Variants in AMOTL1 observed in about 807,000 individuals in gnomAD.
AMOTL1 encodes angiomotin-like protein 1.
In AMOTL1, 45 loss-of-function variants were observed where a neutral mutation model predicts 102.9. That is an observed-to-expected ratio of 0.44 (90% CI 0.34 to 0.56). The LOEUF (loss-of-function observed/expected upper bound fraction) is 0.56, where lower values mean the gene tolerates loss of function less well. Among genes scored for constraint, AMOTL1 ranks in the 20% least tolerant of loss-of-function variants. The pLI, the probability that AMOTL1 is intolerant of heterozygous loss-of-function variation, is 0.01. For missense variants in AMOTL1, 1,114 were observed against 1,225.6 expected (o/e 0.91, Z 1.36); for synonymous variants, 481 against 484.7 (o/e 0.99, Z 0.10).
At chr11:94,852,630 C>T (rs1215205764) in intron 7 of AMOTL1, among the ~76,000 whole-genome samples, 3 of 152,178 alleles carry the variant, frequency 2.0e-5, no homozygotes, top group African/African-American at 7.2e-5. Context: ...AGTTGTTGGT[C>T]ATAATTCTAA....
chr11:94,863,710 G>A (rs916552351), intron 9 of AMOTL1, among the ~76,000 whole-genome samples: 6 of 152,162 alleles, frequency 3.9e-5, no homozygotes, highest in Admixed American at 3.3e-4. Flanking sequence ...AGCCATTATT[G>A]TGCCTTTCAT....
chr11:94,835,326 C>T (rs1020594668), intron 6 of AMOTL1, among the ~76,000 whole-genome samples: 2 of 152,094 alleles, frequency 1.3e-5, no homozygotes, highest in African/African-American at 4.8e-5. Context: ...CTCATTTTTC[C>T]CATTTGTTTG....
chr11:94,828,679 A>G (rs1565370838), intron 4 of AMOTL1, among the ~76,000 whole-genome samples: 2 of 152,162 alleles, frequency 1.3e-5, no homozygotes, highest in Admixed American at 6.5e-5. Flanking sequence ...AAAACACCTG[A>G]CATGTAAGCA....
intron 6 of AMOTL1, among the ~76,000 whole-genome samples, chr11:94,844,164 C>T (rs1270781521): frequency 6.6e-6 from 1 of 152,194 alleles, no homozygotes; most frequent in Non-Finnish European, 1.5e-5. Flanking sequence ...ACCCCCTCTT[C>T]CCACATCCAA....
chr11:94,720,770 G>A (rs1228657030), intron 1 of AMOTL1, among the ~76,000 whole-genome samples: 3 of 152,100 alleles, frequency 2.0e-5, no homozygotes, highest in African/African-American at 7.2e-5. Context: ...GACTACACAG[G>A]TGGAGTCATG....
intron 1 of AMOTL1, among the ~76,000 whole-genome samples, chr11:94,783,803 C>G (rs748961085): frequency 6.6e-6 from 1 of 152,214 alleles, no homozygotes; most frequent in Admixed American, 6.5e-5. Context: ...GGCAGATGCT[C>G]ACTGTCATAT....
chr11:94,754,351 C>T (rs1321274792), intron 3 of AMOTL1, among the ~76,000 whole-genome samples: 1 of 152,172 alleles, frequency 6.6e-6, no homozygotes, highest in Non-Finnish European at 1.5e-5. Flanking sequence ...AGCTCTTCCT[C>T]TGGGGTCCCT....
intron 1 of AMOTL1, among the ~76,000 whole-genome samples, chr11:94,725,969 G>C (rs1401262115): frequency 1.3e-5 from 2 of 152,220 alleles, no homozygotes; most frequent in South Asian, 2.1e-4. Context: ...TGAAGACCAG[G>C]GACTCACTGA....
At chr11:94,721,938 C>G (rs974607624) in intron 1 of AMOTL1, among the ~76,000 whole-genome samples, 2 of 152,120 alleles carry the variant, frequency 1.3e-5, no homozygotes, top group African/African-American at 2.4e-5. Context: ...ATGTCAATAT[C>G]CTATTCTTGG....
At chr11:94,851,390 A>G (rs1952535228) in intron 7 of AMOTL1, among the ~76,000 whole-genome samples, 1 of 152,238 alleles carries the variant, frequency 6.6e-6, no homozygotes, top group Non-Finnish European at 1.5e-5. Flanking sequence ...AGTTATAACA[A>G]CCAATATGGG....
At position 94,875,844 on chromosome 11, in the gene AMOTL1, C is replaced by A. The variant is rs1953085777; in HGVS notation, c.*5049C>A. The A allele has an allele frequency of 1.3e-5, 2 of 152,244 alleles. No individual in the cohort carries two copies. Among genetic ancestry groups the A allele is most frequent in the Non-Finnish European group, 2.9e-5 (2 of 68,032 alleles). The allele number at this position is 152,244 out of a possible 1,614,324, so 9.4% of individuals were successfully genotyped here. A position where few individuals can be genotyped will look rare whatever the true frequency, so the allele number is the denominator to read the frequency against. On this transcript the variant is annotated 3_prime_UTR_variant, in exon 13 of 13. Coordinates refer to ENST00000433060, the MANE Select transcript of AMOTL1 (RefSeq NM_130847.3). ...GCACACAGATTTTTAAAAATCAATT[C>A]TCTTGCCATGCCTCCTATGTGTTCA...
At chr11:94,723,172 T>G (rs1382383643) in intron 1 of AMOTL1, among the ~76,000 whole-genome samples, 1 of 152,108 alleles carries the variant, frequency 6.6e-6, no homozygotes, top group Non-Finnish European at 1.5e-5. Flanking sequence ...CCATGCACCG[T>G]GCTAACAGTG....
intron 1 of AMOTL1, among the ~76,000 whole-genome samples, chr11:94,727,351 A>C (rs1950277148): frequency 1.3e-5 from 2 of 152,188 alleles, no homozygotes; most frequent in Non-Finnish European, 2.9e-5. Context: ...TTAAATGATG[A>C]TACCAGTGTG....
intron 1 of AMOTL1, among the ~76,000 whole-genome samples, chr11:94,724,812 T>A (rs1219627907): frequency 6.6e-6 from 1 of 152,144 alleles, no homozygotes; most frequent in East Asian, 1.9e-4. Context: ...TATATCCTGA[T>A]TTACAGTGTA....
At chr11:94,734,075 C>T (rs898542360) in intron 2 of AMOTL1, among the ~76,000 whole-genome samples, 3 of 152,308 alleles carry the variant, frequency 2.0e-5, no homozygotes, top group East Asian at 1.9e-4. Context: ...TTGATAGCAC[C>T]TCCTGCATTG....
At chr11:94,826,274 T>C (rs954991527) in intron 4 of AMOTL1, among the ~76,000 whole-genome samples, 5 of 152,164 alleles carry the variant, frequency 3.3e-5, no homozygotes, top group Admixed American at 6.5e-5. Context: ...GCCTAGGTGA[T>C]GGAATGAGAC....
At chr11:94,846,432 G>A (rs954527681) in intron 6 of AMOTL1, among the ~76,000 whole-genome samples, 2 of 152,214 alleles carry the variant, frequency 1.3e-5, no homozygotes, top group African/African-American at 4.8e-5. Flanking sequence ...CTATTGTGAT[G>A]CTTACTTTTA....
chr11:94,821,925 A>T (rs896725349), intron 4 of AMOTL1, 104 bp downstream of exon 4: 2 of 1,425,334 alleles, frequency 1.4e-6, no homozygotes, highest in African/African-American at 2.8e-5. Context: ...ACCCCTTTTT[A>T]TACTAGGCCC....
intron 7 of AMOTL1, 71 bp from the exon 8 acceptor site, chr11:94,853,862 C>T (rs1952599737): frequency 1.3e-6 from 2 of 1,543,480 alleles, no homozygotes; most frequent in Non-Finnish European, 1.8e-6. Context: ...AATCTGACCC[C>T]ACCTCCTCCA....
Sources: allele counts gnomAD v4.1 joint callset (sites outside exome capture counted in the v4.1 genomes callset), GRCh38; gene constraint gnomAD v4.1.1; transcripts MANE v1.5; gene names NCBI Gene and HGNC (gene_info 2026-07-23, HGNC 2026-07-21).